Variants in ARID1B observed in about 807,000 individuals in gnomAD.
The protein encoded by ARID1B is AT-rich interaction domain 1B.
ARID1B carries 30 observed loss-of-function variants against 212.3 expected under a neutral mutation model. The ratio of observed to expected loss-of-function variants is 0.14; its 90% confidence interval spans 0.11 to 0.19. The LOEUF (loss-of-function observed/expected upper bound fraction) is 0.19. Among genes scored for constraint, ARID1B ranks in the 10% least tolerant of loss-of-function variants. The pLI, the probability that ARID1B is intolerant of heterozygous loss-of-function variation, is 1.00. For missense variants in ARID1B, 2,891 were observed against 3,204.0 expected, an observed-to-expected ratio of 0.90 and a Z score of 2.36; for synonymous variants, 1,402 against 1,301.7, an observed-to-expected ratio of 1.08 and a Z score of -1.66.
At chr6:157,181,507 T>C (rs1792531513) in intron 12 of ARID1B, among the ~76,000 whole-genome samples, 1 of 152,228 alleles carries the variant, frequency 6.6e-6, no homozygotes, top group Non-Finnish European at 1.5e-5. Flanking sequence ...TAGTAAATAC[T>C]CAGAAATGTT....
intron 1 of ARID1B, among the ~76,000 whole-genome samples, chr6:156,786,313 T>A (rs1562384563): frequency 6.6e-6 from 1 of 152,128 alleles, no homozygotes. Context: ...GCCACCAAAT[T>A]TGTGCCTCCC....
intron 4 of ARID1B, among the ~76,000 whole-genome samples, chr6:157,049,879 A>T (rs1238026103): frequency 6.6e-6 from 1 of 152,178 alleles, no homozygotes; most frequent in Non-Finnish European, 1.5e-5. Context: ...TTAAGTTTTA[A>T]TCTCCTCATA....
chr6:157,073,645 G>A (rs1268954264), intron 4 of ARID1B, among the ~76,000 whole-genome samples: 6 of 152,004 alleles, frequency 3.9e-5, no homozygotes, highest in Admixed American at 3.9e-4. Context: ...TTCTCTATTT[G>A]GGGGGTGGTG....
intron 2 of ARID1B, among the ~76,000 whole-genome samples, chr6:156,840,394 G>C (rs1044549872): frequency 2.2e-4 from 33 of 152,212 alleles, no homozygotes; most frequent in African/African-American, 7.2e-4. Context: ...CCTCCCGTTA[G>C]AACATATGGC....
At chr6:157,179,686 C>CT (rs1792367818) in intron 11 of ARID1B, among the ~76,000 whole-genome samples, 1 of 152,194 alleles carries the variant, frequency 6.6e-6, no homozygotes, top group South Asian at 2.1e-4. Context: ...AATTCTGAAG[C>CT]TGAAGGCTTA....
At chr6:157,180,864 T>A (rs1207665876) in intron 11 of ARID1B, 105 bp from the exon 12 acceptor site, 1 of 907,330 alleles carries the variant, frequency 1.1e-6, no homozygotes, top group African/African-American at 1.7e-5. Context: ...TAGTTTTTAA[T>A]CTCTTCTCTT....
At chr6:157,166,734 A>G (rs1280239777) in intron 8 of ARID1B, 1 of 224,414 alleles carries the variant, frequency 4.5e-6, no homozygotes, top group Non-Finnish European at 8.6e-6. Context: ...TCCTGTTCTT[A>G]TTTCAAGTTC....
intron 2 of ARID1B, among the ~76,000 whole-genome samples, chr6:156,862,657 G>A (rs1435015149): frequency 5.3e-5 from 8 of 152,204 alleles, no homozygotes; most frequent in Non-Finnish European, 1.2e-4. Flanking sequence ...ACAAGGCAAA[G>A]CGGAGTGGTG....
At chr6:156,830,187 C>G (rs1783048709) in intron 2 of ARID1B, among the ~76,000 whole-genome samples, 1 of 152,160 alleles carries the variant, frequency 6.6e-6, no homozygotes, top group Non-Finnish European at 1.5e-5. Context: ...AAATTAGATT[C>G]AAACTTGTTA....
chr6:157,112,223 G>A (rs1393564689), intron 6 of ARID1B, among the ~76,000 whole-genome samples: 1 of 152,198 alleles, frequency 6.6e-6, no homozygotes, highest in East Asian at 1.9e-4. Flanking sequence ...ACTGTGACCT[G>A]CTCCAAATCA....
chr6:156,824,757 C>G (rs781395460), intron 1 of ARID1B, among the ~76,000 whole-genome samples: 27 of 151,992 alleles, frequency 1.8e-4, no homozygotes, highest in Non-Finnish European at 3.1e-4. Flanking sequence ...AGAGCGAGAC[C>G]CTGTCTCAGA....
At chr6:156,931,330 C>A (rs901589890) in intron 3 of ARID1B, among the ~76,000 whole-genome samples, 4 of 151,548 alleles carry the variant, frequency 2.6e-5, no homozygotes, top group Admixed American at 2.6e-4. Flanking sequence ...GGATTTTATT[C>A]ATTTCCTAAT....
intron 4 of ARID1B, among the ~76,000 whole-genome samples, chr6:157,078,323 C>T (rs1025873967): frequency 1.1e-4 from 17 of 152,086 alleles, no homozygotes; most frequent in African/African-American, 3.1e-4. Context: ...GGAGTCTAAC[C>T]AAGAAGGGAA....
chr6:157,052,340 C>T (rs1782664273), intron 4 of ARID1B, among the ~76,000 whole-genome samples: 1 of 152,176 alleles, frequency 6.6e-6, no homozygotes, highest in Non-Finnish European at 1.5e-5. Flanking sequence ...GGTAATAGAT[C>T]CGTGTGGAAC....
At chr6:156,931,109 G>C (rs1396020296) in intron 3 of ARID1B, among the ~76,000 whole-genome samples, 4 of 146,000 alleles carry the variant, frequency 2.7e-5, no homozygotes, top group Non-Finnish European at 6.0e-5. Flanking sequence ...AGAATCTCTT[G>C]AAACCGGGAG....
chr6:156,819,685 T>G (rs970873135), intron 1 of ARID1B, among the ~76,000 whole-genome samples: 2 of 152,220 alleles, frequency 1.3e-5, no homozygotes, highest in Admixed American at 1.3e-4. Flanking sequence ...TCCGTACTCC[T>G]GTTTCTCTGG....
rs757953295 is a variant in ARID1B at position 156,779,296 on chromosome 6, A to AGGC, written c.1628_1630dup (p.Ala543dup). ...CCGCCGCCGTCGCAGCCCCAGTCCCAGGCGGCGGCGGCGGGGGCGGCGGCG... is the reference window on the plus strand; with the variant it reads ...CCGCCGCCGTCGCAGCCCCAGTCCCAGGCGGCGGCGGCGGCGGGGGCGGCGGCG... On this transcript the variant is annotated inframe_insertion, in exon 1 of 20. Transcript: ENST00000636930. 1.4e-4 allele frequency: 151 copies of AGGC among 1,096,046 alleles called. No homozygotes were observed. Among genetic ancestry groups the AGGC allele is most frequent in the African/African-American group, 1.2e-3 (66 of 55,154 alleles). 67.9% of individuals were successfully genotyped at this position (1,096,046 alleles called of 1,614,324 possible).
chr6:157,180,607 A>G (rs946037913), intron 11 of ARID1B, among the ~76,000 whole-genome samples: 6 of 152,310 alleles, frequency 3.9e-5, no homozygotes, highest in South Asian at 4.1e-4. Flanking sequence ...TTAATTCACT[A>G]TGATCATTCC....
At chr6:157,134,638 T>C (rs886704421) in intron 7 of ARID1B, among the ~76,000 whole-genome samples, 7 of 152,208 alleles carry the variant, frequency 4.6e-5, no homozygotes, top group Admixed American at 3.3e-4. Context: ...CCGGTAACTA[T>C]GACATGTAGC....
Sources: gnomAD v4.1 joint callset for allele counts (sites outside exome capture counted in the v4.1 genomes callset) on GRCh38, gnomAD v4.1.1 for gene constraint, MANE v1.5 for transcripts, NCBI Gene and HGNC (gene_info 2026-07-23, HGNC 2026-07-21) for gene names.